LDB2: variants seen among roughly 807,000 people sequenced by gnomAD.
The protein encoded by LDB2 is LIM domain-binding protein 2.
In LDB2, 12 loss-of-function variants were observed where a neutral mutation model predicts 44.3. The observed-to-expected ratio is 0.27, with a 90% CI of 0.17 to 0.44. The LOEUF is 0.44. Ranked by LOEUF, LDB2 falls within the 20% of genes least tolerant of loss-of-function variation. The probability of loss-of-function intolerance (pLI) is 1.00; values close to 1 mark genes in which losing one functional copy is unlikely to be tolerated. For synonymous variants in LDB2, 164 were observed against 174.8 expected (o/e 0.94, Z 0.49); for missense variants, 344 against 473.5 (o/e 0.73, Z 2.54).
chr4:16,826,597 G>A (rs1196072177), intron 1 of LDB2: 1 of 152,122 alleles, frequency 6.6e-6, no homozygotes, highest in Non-Finnish European at 1.5e-5. Flanking sequence ...TGGTGAGCCA[G>A]GCTCCTCCCG....
chr4:16,849,605 T>C (rs17759073), intron 1 of LDB2, among the ~76,000 whole-genome samples: 36,611 of 152,176 alleles, frequency 0.24, 4,772 homozygotes, highest in South Asian at 0.4. Context: ...TCTGGTCCAA[T>C]TGATGTATTA....
intron 1 of LDB2, among the ~76,000 whole-genome samples, chr4:16,873,628 A>G (rs1247471337): frequency 1.3e-5 from 2 of 152,112 alleles, no homozygotes; most frequent in Admixed American, 6.5e-5. Context: ...GTATTTTGGC[A>G]TTTCTTAATA....
chr4:16,838,739 A>G (rs545263447), intron 1 of LDB2, among the ~76,000 whole-genome samples: 2 of 152,354 alleles, frequency 1.3e-5, no homozygotes, highest in African/African-American at 4.8e-5. Context: ...GGAAAAGGAC[A>G]TTAATCTGTT....
intron 5 of LDB2, among the ~76,000 whole-genome samples, chr4:16,572,227 T>G (rs536324477): frequency 6.6e-6 from 1 of 152,324 alleles, no homozygotes; most frequent in South Asian, 2.1e-4. Flanking sequence ...ATATACTGTT[T>G]TTTTTGTTTT....
intron 1 of LDB2, among the ~76,000 whole-genome samples, chr4:16,884,391 C>G (rs1157857307): frequency 6.6e-6 from 1 of 152,148 alleles, no homozygotes; most frequent in African/African-American, 2.4e-5. Flanking sequence ...GTAAAGAACC[C>G]TGGCTTGGTA....
intron 2 of LDB2, among the ~76,000 whole-genome samples, chr4:16,628,331 G>C (rs1247544588): frequency 6.6e-6 from 1 of 152,102 alleles, no homozygotes; most frequent in African/African-American, 2.4e-5. Flanking sequence ...CCAACAGGAT[G>C]GATTCCCAAA....
intron 5 of LDB2, among the ~76,000 whole-genome samples, chr4:16,548,849 C>T (rs962100306): frequency 2.0e-5 from 3 of 152,184 alleles, no homozygotes; most frequent in African/African-American, 7.2e-5. Flanking sequence ...ACAAGGAAAA[C>T]AGCAAAGTGT....
intron 5 of LDB2, among the ~76,000 whole-genome samples, chr4:16,580,309 A>G (rs1329031308): frequency 6.6e-6 from 1 of 152,196 alleles, no homozygotes; most frequent in Non-Finnish European, 1.5e-5. Context: ...ATTGATTAAT[A>G]CACTGAAAAA....
intron 5 of LDB2, 31 bp from the exon 6 acceptor site, chr4:16,512,135 A>T (rs1721974676): frequency 6.4e-7 from 1 of 1,567,102 alleles, no homozygotes; most frequent in African/African-American, 1.3e-5. Flanking sequence ...TTGGCATTTC[A>T]CTACTTCATA....
In LDB2 at chr4:16,588,828, C is replaced by T; in HGVS notation, c.413G>A (p.Cys138Tyr). ...QHGKPMFTKVCTEGRLILEFT... is the reference protein window; with the variant it reads ...QHGKPMFTKVYTEGRLILEFT... ...CTCCAAGATCAGTCTGCCTTCTGTA[C>T]ATACCTGGAAGTGACAAACCACACA... is the stretch of plus-strand genomic sequence containing the variant. Residue 138 changes from cysteine to tyrosine, a missense_variant, in exon 4 of 8, where the codon TGT becomes TAT. Transcript: ENST00000304523. 6.2e-7 allele frequency: 1 copy of T among 1,613,440 alleles called. No individual in the cohort carries two copies. Among genetic ancestry groups the T allele is most frequent in the Non-Finnish European group, 8.5e-7 (1 of 1,179,792 alleles).
intron 7 of LDB2, among the ~76,000 whole-genome samples, chr4:16,504,802 T>C (rs1718714727): frequency 6.6e-6 from 1 of 152,082 alleles, no homozygotes; most frequent in Non-Finnish European, 1.5e-5. Context: ...ACACTTATGA[T>C]CAAGAACAAA....
intron 1 of LDB2, among the ~76,000 whole-genome samples, chr4:16,831,358 GTTTTC>G (rs1363675455): frequency 3.3e-5 from 5 of 151,974 alleles, no homozygotes; most frequent in Non-Finnish European, 5.9e-5. Context: ...AAAGTTTTAG[GTTTTC>G]TTTTGAGTAA....
At chr4:16,515,577 C>G (rs541401979) in intron 5 of LDB2, among the ~76,000 whole-genome samples, 9 of 152,188 alleles carry the variant, frequency 5.9e-5, no homozygotes, top group African/African-American at 2.2e-4. Flanking sequence ...GTGGGTTATC[C>G]CTCAAAGAAG....
intron 1 of LDB2, among the ~76,000 whole-genome samples, chr4:16,808,442 A>C (rs1445025051): frequency 6.6e-6 from 1 of 152,154 alleles, no homozygotes; most frequent in Admixed American, 6.5e-5. Flanking sequence ...GGAGCCTGAA[A>C]GTTTAGTGCA....
intron 5 of LDB2, among the ~76,000 whole-genome samples, chr4:16,539,756 T>C (rs1733113968): frequency 6.6e-6 from 1 of 152,052 alleles, no homozygotes; most frequent in Non-Finnish European, 1.5e-5. Flanking sequence ...ATTAATCAAA[T>C]TCACTGAAAG....
At chr4:16,791,542 G>A (rs371133628) in intron 1 of LDB2, among the ~76,000 whole-genome samples, 7 of 28,510 alleles carry the variant, frequency 2.5e-4, no homozygotes, top group East Asian at 1.8e-3. Flanking sequence ...GCAACAGAGC[G>A]AGACTCTGGC....
chr4:16,508,285 T>C (rs188864982), intron 7 of LDB2, among the ~76,000 whole-genome samples: 18 of 152,294 alleles, frequency 1.2e-4, no homozygotes, highest in Non-Finnish European at 2.4e-4. Flanking sequence ...CTCTGATGGC[T>C]TTTTAATTCA....
At chr4:16,847,352 T>C (rs192525689) in intron 1 of LDB2, among the ~76,000 whole-genome samples, 3 of 152,298 alleles carry the variant, frequency 2.0e-5, no homozygotes, top group East Asian at 3.9e-4. Context: ...AATTACTCAA[T>C]ACTGTTGGAA....
chr4:16,580,738 TTGTTACAGGAGATAAA>T (rs1267209799), intron 5 of LDB2, among the ~76,000 whole-genome samples: 2 of 152,202 alleles, frequency 1.3e-5, no homozygotes, highest in Non-Finnish European at 2.9e-5. Context: ...GCCTACTCTA[TTGTTACAGGAGATAAA>T]TGAACATGAA....
Sources: allele counts gnomAD v4.1 joint callset (sites outside exome capture counted in the v4.1 genomes callset), GRCh38; gene constraint gnomAD v4.1.1; transcripts MANE v1.5; gene names NCBI Gene and HGNC (gene_info 2026-07-23, HGNC 2026-07-21).